Variants in AP5M1 observed in about 807,000 individuals in gnomAD.
AP5M1 encodes adaptor related protein complex 5 subunit mu 1.
AP5M1 carries 44 observed loss-of-function variants against 52.3 expected under a neutral mutation model. The observed-to-expected ratio is 0.84, with a 90% CI of 0.66 to 1.08. The LOEUF (loss-of-function observed/expected upper bound fraction) is 1.08, where lower values mean the gene tolerates loss of function less well. Among genes scored for constraint, AP5M1 ranks in the 50% least tolerant of loss-of-function variants. AP5M1 has a pLI of 0.00. For missense variants in AP5M1, 526 were observed against 568.4 expected, an observed-to-expected ratio of 0.93 and a Z score of 0.76; for synonymous variants, 213 against 199.0, an observed-to-expected ratio of 1.07 and a Z score of -0.59.
At chr14:57,270,595 C>G (rs1180307289) in intron 1 of AP5M1, among the ~76,000 whole-genome samples, 1 of 152,130 alleles carries the variant, frequency 6.6e-6, no homozygotes, top group East Asian at 1.9e-4. Flanking sequence ...TGACACTAAC[C>G]CCAACATTTG....
chr14:57,269,024 G>A lies in AP5M1; in HGVS notation c.-291G>A, dbSNP rs1232155223. 5.5e-6 allele frequency: 3 copies of A among 550,326 alleles called. No individual in the cohort carries two copies. The highest frequency in any genetic ancestry group is 9.5e-6 in the Non-Finnish European group (3 of 315,580). 34.1% of individuals were successfully genotyped at this position (550,326 alleles called of 1,614,324 possible). ...TTTGATCCTTGCGGGCCACCATTCC[G>A]GAAGTAGAATTTAGAGGAAGAAAAT... On this transcript the variant is annotated 5_prime_UTR_variant, in exon 1 of 8. Transcript: ENST00000261558.
At position 57,290,997 on chromosome 14, in the gene AP5M1, TTGCCACAA is replaced by T. The variant is rs1885423112; in HGVS notation, c.*2115_*2122del. The T allele has an allele frequency of 6.6e-6, 1 of 151,876 alleles. No homozygotes were observed. Among genetic ancestry groups the T allele is most frequent in the African/African-American group, 2.4e-5 (1 of 41,392 alleles). The allele number at this position is 151,876 out of a possible 1,614,324, so 9.4% of individuals were successfully genotyped here. A position where few individuals can be genotyped will look rare whatever the true frequency, so the allele number is the denominator to read the frequency against. Reference sequence around the variant, plus strand: ...GGACCTTTCCTTTCTTCAGAGTCCGTTGCCACAATTAAAGAAGAAACAGCTGCATTTCA... The same window carrying T: ...GGACCTTTCCTTTCTTCAGAGTCCGTTTAAAGAAGAAACAGCTGCATTTCA... On this transcript the variant is annotated 3_prime_UTR_variant, in exon 8 of 8. Transcript: ENST00000261558.
rs112503617 is a variant in AP5M1, at chr14:57,272,304, C to T, written c.75-1940C>T. ...GAGGTGTTAGAGCTACACAGATAGG[C>T]ACTGACACTTTATAAGTGTCAATAA... On this transcript the variant is annotated intron_variant, in intron 1 of 7. Coordinates refer to ENST00000261558, the MANE Select transcript of AP5M1 (RefSeq NM_018229.4). Among the ~76,000 whole-genome samples the T allele has an allele frequency of 2.3e-3, 355 of 152,202 alleles. 2 individuals carry two copies. Among genetic ancestry groups the T allele is most frequent in the African/African-American group, 8.2e-3 (340 of 41,504 alleles).
In AP5M1 at chr14:57,293,517, T is replaced by C. The variant is rs2139702727; in HGVS notation, c.*4633T>C. 1 of 151,860 alleles carries C rather than the reference T, an allele frequency of 6.6e-6. No individual in the cohort carries two copies. The highest frequency in any genetic ancestry group is 6.6e-5 in the Admixed American group (1 of 15,206). The allele number at this position is 151,860 out of a possible 1,614,324, so 9.4% of individuals were successfully genotyped here. A position where few individuals can be genotyped will look rare whatever the true frequency, so the allele number is the denominator to read the frequency against. On this transcript the variant is annotated 3_prime_UTR_variant, in exon 8 of 8. Coordinates refer to ENST00000261558, the MANE Select transcript of AP5M1 (RefSeq NM_018229.4). ...CAATTTAATAACTAGTTTCAAAATATATTTTGATAGCAAGTTCCTAAACCA... is the reference window on the plus strand; with the variant it reads ...CAATTTAATAACTAGTTTCAAAATACATTTTGATAGCAAGTTCCTAAACCA...
rs1316883776 is a variant in AP5M1 at position 57,274,438 on chromosome 14, G to T, written c.269G>T (p.Gly90Val). The change falls in exon 2 of 8, where the codon GGT becomes GTT. Residue 90 changes from glycine to valine, a missense_variant. Physicochemically the swap from Gly to Val is moderately radical, Grantham distance 109 (BLOSUM62 -3). This residue lies in a region of AP5M1 where 425 missense variants were observed against 430.6 expected (regional missense o/e 0.99). Coordinates refer to ENST00000261558, the MANE Select transcript of AP5M1 (RefSeq NM_018229.4). Reference sequence around the variant, plus strand: ...TCCATTTATGGACTCCTGATAGGAGGTGAAGAACTCTGGCCAGTTGTTGCT... The same window carrying T: ...TCCATTTATGGACTCCTGATAGGAGTTGAAGAACTCTGGCCAGTTGTTGCT... ...KTSIYGLLIG[G>V]EELWPVVAFL... is the part of the protein sequence containing the mutation. 6.2e-7 allele frequency: 1 copy of T among 1,614,130 alleles called. No individual in the cohort carries two copies. Among genetic ancestry groups the T allele is most frequent in the Non-Finnish European group, 8.5e-7 (1 of 1,180,026 alleles).
chr14:57,273,760 A>C (rs1884949245), intron 1 of AP5M1: 1 of 701,402 alleles, frequency 1.4e-6, no homozygotes, highest in Non-Finnish European at 2.6e-6. Context: ...GTTAAGTAGA[A>C]TAGAACATTC....
intron 2 of AP5M1, among the ~76,000 whole-genome samples, chr14:57,276,891 T>C (rs1885052640): frequency 6.6e-6 from 1 of 152,190 alleles, no homozygotes; most frequent in South Asian, 2.1e-4. Context: ...ATAGTATAAC[T>C]GTTAGCCAAA....
At chr14:57,281,366 C>T (rs1229727220) in intron 3 of AP5M1, among the ~76,000 whole-genome samples, 2 of 152,152 alleles carry the variant, frequency 1.3e-5, no homozygotes, top group Admixed American at 6.5e-5. Context: ...GTTAGAAAAA[C>T]CTACTCAAGC....
Position 57,269,214 on chromosome 14 carries a change from C to A in AP5M1, c.-101C>A. 1 of 1,157,908 alleles carries A rather than the reference C, an allele frequency of 8.6e-7. No homozygotes were observed. Among genetic ancestry groups the A allele is most frequent in the Non-Finnish European group, 1.3e-6 (1 of 788,826 alleles). The allele number at this position is 1,157,908 out of a possible 1,614,324, so 71.7% of individuals were successfully genotyped here. On this transcript the variant is annotated 5_prime_UTR_variant, in exon 1 of 8. Coordinates refer to ENST00000261558, the MANE Select transcript of AP5M1 (RefSeq NM_018229.4). Reference sequence around the variant, plus strand: ...GACCGGTATGCGGCGCAGGATGAGCCTCAGGGCTTCTGTTAAGAGTCTGTC... The same window carrying A: ...GACCGGTATGCGGCGCAGGATGAGCATCAGGGCTTCTGTTAAGAGTCTGTC...
intron 2 of AP5M1, among the ~76,000 whole-genome samples, chr14:57,276,625 T>TC (rs1485716585): frequency 2.8e-5 from 4 of 145,414 alleles, no homozygotes; most frequent in East Asian, 1.9e-4. Flanking sequence ...TTTTTTTTTT[T>TC]CATTCTGTAG....
At position 57,280,266 on chromosome 14, in the gene AP5M1, G is replaced by A; in HGVS notation, c.792G>A (p.Gln264=). The A allele has an allele frequency of 6.2e-7, 1 of 1,614,060 alleles. No individual in the cohort carries two copies. Among genetic ancestry groups the A allele is most frequent in the Non-Finnish European group, 8.5e-7 (1 of 1,179,980 alleles). The change falls in exon 3 of 8, where the codon CAG becomes CAA. Residue 264 remains glutamine, a synonymous_variant. Transcript: ENST00000261558. The part of the protein sequence containing the change: ...LSLPTNGSPL[Q]DILVHPCVTS... ...TCCCCACCAATGGATCTCCACTTCA[G>A]GATATTCTAGTTCACCCTTGTGTAA...
At chr14:57,272,249 T>C (rs1884912763) in intron 1 of AP5M1, among the ~76,000 whole-genome samples, 1 of 152,202 alleles carries the variant, frequency 6.6e-6, no homozygotes, top group Non-Finnish European at 1.5e-5. Flanking sequence ...TTAAATTTTA[T>C]TATATTTTCA....
At chr14:57,282,252 A>T (rs1458160475) in intron 4 of AP5M1, 24 bp downstream of exon 4, 1 of 1,482,904 alleles carries the variant, frequency 6.7e-7, no homozygotes, top group African/African-American at 1.5e-5. Context: ...GCATATTGCC[A>T]TAATTTCTGT....
chr14:57,295,896 T>C lies in AP5M1; in HGVS notation c.*7012T>C, dbSNP rs913892614. The stretch of plus-strand genomic sequence containing the variant: ...TGAAATGAGTATGTAATTGAGTATG[T>C]AATATATGCATTGGAGAAATACCGG... On this transcript the variant is annotated 3_prime_UTR_variant, in exon 8 of 8. Coordinates refer to ENST00000261558, the MANE Select transcript of AP5M1 (RefSeq NM_018229.4). 1 of 151,980 alleles carries C rather than the reference T, an allele frequency of 6.6e-6. No homozygotes were observed. Among genetic ancestry groups the C allele is most frequent in the Non-Finnish European group, 1.5e-5 (1 of 67,930 alleles). 9.4% of individuals were successfully genotyped at this position (151,980 alleles called of 1,614,324 possible). A position where few individuals can be genotyped will look rare whatever the true frequency, so the allele number is the denominator to read the frequency against.
chr14:57,296,370 T>G lies in AP5M1; in HGVS notation c.*7486T>G, dbSNP rs570894943. The G allele has an allele frequency of 6.6e-6, 1 of 152,162 alleles. No individual in the cohort carries two copies. Among genetic ancestry groups the G allele is most frequent in the African/African-American group, 2.4e-5 (1 of 41,558 alleles). The allele number at this position is 152,162 out of a possible 1,614,324, so 9.4% of individuals were successfully genotyped here. A position where few individuals can be genotyped will look rare whatever the true frequency, so the allele number is the denominator to read the frequency against. On this transcript the variant is annotated 3_prime_UTR_variant, in exon 8 of 8. Transcript: ENST00000261558. ...TCAAAGATTACCCCTTGCTAAAGGC[T>G]CTTAAGAAACTGTTAGCCTGTTACT...
chr14:57,272,355 G>A (rs552374131), intron 1 of AP5M1, among the ~76,000 whole-genome samples: 8 of 152,086 alleles, frequency 5.3e-5, no homozygotes, highest in Non-Finnish European at 8.8e-5. Flanking sequence ...GATTTAAGAA[G>A]GCAAATGATG....
At chr14:57,269,860 G>T (rs1221264566) in intron 1 of AP5M1, among the ~76,000 whole-genome samples, 1 of 152,142 alleles carries the variant, frequency 6.6e-6, no homozygotes, top group Non-Finnish European at 1.5e-5. Flanking sequence ...CCAGGCTAGA[G>T]TGCAGTGGTG....
At position 57,291,251 on chromosome 14, in the gene AP5M1, A is replaced by G. The variant is rs1390022567; in HGVS notation, c.*2367A>G. 6.6e-6 allele frequency: 1 copy of G among 151,902 alleles called. No homozygotes were observed. Among genetic ancestry groups the G allele is most frequent in the Non-Finnish European group, 1.5e-5 (1 of 67,878 alleles). The allele number at this position is 151,902 out of a possible 1,614,324, so 9.4% of individuals were successfully genotyped here. A position where few individuals can be genotyped will look rare whatever the true frequency, so the allele number is the denominator to read the frequency against. ...AATATGAGCAACTACTTCCAGTGAA[A>G]GATTTGGATAGTGTCAGACCTTCTC... is the stretch of plus-strand genomic sequence containing the variant. On this transcript the variant is annotated 3_prime_UTR_variant, in exon 8 of 8. Coordinates refer to ENST00000261558, the MANE Select transcript of AP5M1 (RefSeq NM_018229.4).
intron 2 of AP5M1, chr14:57,275,243 G>T: frequency 3.2e-6 from 1 of 311,132 alleles, no homozygotes; most frequent in Non-Finnish European, 6.1e-6. Flanking sequence ...GAGGCTGGAA[G>T]ATCTGCTTGC....
Sources: gnomAD v4.1 joint callset for allele counts (sites outside exome capture counted in the v4.1 genomes callset) on GRCh38, gnomAD v4.1.1 for gene constraint, gnomAD v4.1.1 regional missense constraint, MANE v1.5 for transcripts, NCBI Gene and HGNC (gene_info 2026-07-23, HGNC 2026-07-21) for gene names.